The following VSIG1 variants were observed in gnomAD, a reference collection of about 807,000 sequenced individuals.
VSIG1 encodes V-set and immunoglobulin domain containing 1.
In VSIG1, 11 loss-of-function variants were observed where a neutral mutation model predicts 20.1. The ratio of observed to expected loss-of-function variants is 0.55; its 90% CI spans 0.34 to 0.91. VSIG1 has a LOEUF of 0.91. VSIG1 is among the 40% of genes least tolerant of loss of function. The pLI is 0.02. For synonymous variants in VSIG1, 126 were observed against 116.7 expected, an observed-to-expected ratio of 1.08 and a Z score of -0.52; for missense variants, 283 against 298.8, an observed-to-expected ratio of 0.95 and a Z score of 0.39.
intron 2 of VSIG1, among the ~76,000 whole-genome samples, chrX:108,066,698 A>G (rs2031134647): frequency 9.0e-6 from 1 of 111,731 alleles, no homozygotes; most frequent in South Asian, 3.8e-4. Context: ...TCTGTAAGAT[A>G]GGCATACTAA....
upstream of VSIG1, among the ~76,000 whole-genome samples, chrX:108,040,188 C>A (rs983494587): frequency 9.0e-6 from 1 of 111,097 alleles, no homozygotes; most frequent in African/African-American, 3.3e-5. Flanking sequence ...AGACAGATAA[C>A]CCAGTGGAAA....
chrX:108,067,207 T>C (rs1433644603), intron 3 of VSIG1, 73 bp downstream of exon 3: 8 of 1,049,899 alleles, frequency 7.6e-6, no homozygotes, highest in Non-Finnish European at 1.1e-5. Flanking sequence ...GACAGTGAGT[T>C]ATGATGCCAA....
intron 4 of VSIG1, 92 bp from the exon 5 acceptor site, chrX:108,073,157 TG>T: frequency 9.7e-7 from 1 of 1,033,494 alleles, no homozygotes; most frequent in Non-Finnish European, 1.3e-6. Context: ...GAGGCCAATA[TG>T]GGGGAGTGGG....
At chrX:108,022,120 A>C in the VSIG1 span, among the ~76,000 whole-genome samples, 1 of 111,883 alleles carries the variant, frequency 8.9e-6, no homozygotes, top group Admixed American at 9.4e-5. Flanking sequence ...GAATTTCTTT[A>C]AGTCTGTAGA....
chrX:108,073,282 C>T lies in VSIG1; in HGVS notation c.601C>T (p.Leu201=), dbSNP rs955081063. 8.3e-7 allele frequency: 1 copy of T among 1,209,761 alleles called. No homozygotes were observed. The highest frequency in any genetic ancestry group is 1.1e-6 in the Non-Finnish European group (1 of 894,991). The part of the protein sequence containing the change: ...PTTGILVIGN[L]TNFEQGYYQC... ...CACCGGGATTTTGGTCATTGGAAAT[C>T]TGACAAATTTTGAACAAGGTTATTA... The change falls in exon 5 of 7, where the codon CTG becomes TTG. Residue 201 remains leucine, a synonymous_variant. Coordinates refer to ENST00000217957, the MANE Select transcript of VSIG1 (RefSeq NM_182607.5).
upstream of VSIG1, among the ~76,000 whole-genome samples, chrX:108,041,605 T>C (rs1021027325): frequency 3.2e-4 from 35 of 109,051 alleles, no homozygotes; most frequent in African/African-American, 5.3e-4. Context: ...TGTACATGCA[T>C]AGAAAAAGGT....
chrX:108,038,962 T>C, the VSIG1 span, among the ~76,000 whole-genome samples: 1 of 111,958 alleles, frequency 8.9e-6, no homozygotes, highest in Non-Finnish European at 1.9e-5. Flanking sequence ...AAATCTAATG[T>C]GTTTGCTACA....
At chrX:108,044,083 T>C (rs749616775), upstream of VSIG1, among the ~76,000 whole-genome samples, 1 of 111,544 alleles carries the variant, frequency 9.0e-6, no homozygotes, top group East Asian at 2.8e-4. Context: ...GGGAGACCAC[T>C]TAGGAAGCTG....
At position 108,078,083 on chromosome X, in the gene VSIG1, A is replaced by C. The variant is rs979910875; in HGVS notation, c.*702A>C. ...ATTAGATTCAATATTATTTCTAGGA[A>C]TAGTTCCTCATTCATTTTTATATTG... On this transcript the variant is annotated 3_prime_UTR_variant, in exon 7 of 7. Coordinates refer to ENST00000217957, the MANE Select transcript of VSIG1 (RefSeq NM_182607.5). The C allele has an allele frequency of 6.2e-5, 7 of 112,292 alleles. No individual in the cohort carries two copies. Among genetic ancestry groups the C allele is most frequent in the African/African-American group, 2.3e-4 (7 of 30,837 alleles). The allele number at this position is 112,292 out of a possible 1,213,427, so 9.3% of individuals were successfully genotyped here. A position where few individuals can be genotyped will look rare whatever the true frequency, so the allele number is the denominator to read the frequency against.
intron 1 of VSIG1, among the ~76,000 whole-genome samples, chrX:108,053,133 C>T (rs765177824): frequency 6.1e-4 from 68 of 111,930 alleles, no homozygotes; most frequent in African/African-American, 2.2e-3. Context: ...AGCAGACATA[C>T]TGTTAAAAAA....
chrX:108,057,688 G>A (rs1025150489), intron 1 of VSIG1, among the ~76,000 whole-genome samples: 1 of 111,787 alleles, frequency 8.9e-6, no homozygotes, highest in African/African-American at 3.3e-5. Context: ...CATGGTACTG[G>A]GAAAACTGAG....
intron 5 of VSIG1, among the ~76,000 whole-genome samples, chrX:108,075,006 G>A (rs1019540169): frequency 4.5e-5 from 5 of 112,142 alleles, no homozygotes; most frequent in Non-Finnish European, 7.5e-5. Context: ...TAACCTCCGG[G>A]AAAATTTTTG....
Position 108,058,111 on chromosome X carries a change from C to G in VSIG1, c.123C>G (p.Leu41=), listed in dbSNP as rs2030946146. 1 of 1,209,016 alleles carries G rather than the reference C, an allele frequency of 8.3e-7. No homozygotes were observed. Among genetic ancestry groups the G allele is most frequent in the African/African-American group, 1.8e-5 (1 of 57,084 alleles). The change falls in exon 2 of 7, where the codon CTC becomes CTG. Residue 41 remains leucine, a synonymous_variant. Coordinates refer to ENST00000217957, the MANE Select transcript of VSIG1 (RefSeq NM_182607.5). The stretch of plus-strand genomic sequence containing the variant: ...TGACTGTTGGATCTAATGTCACTCT[C>G]ATCTGCATCTACACCACCACTGTGG... ...VNVTVGSNVT[L]ICIYTTTVAS...
At chrX:108,019,225 G>A in the VSIG1 span, among the ~76,000 whole-genome samples, 2 of 112,196 alleles carry the variant, frequency 1.8e-5, no homozygotes, top group South Asian at 7.5e-4. Flanking sequence ...GCCAGTTGTG[G>A]TGATAGCAGA....
intron 2 of VSIG1, among the ~76,000 whole-genome samples, chrX:108,060,094 T>C (rs2030991639): frequency 9.0e-6 from 1 of 111,633 alleles, no homozygotes; most frequent in Admixed American, 9.5e-5. Flanking sequence ...GAAGAAGATA[T>C]GGTGATTGAA....
intron 3 of VSIG1, among the ~76,000 whole-genome samples, chrX:108,068,393 T>C (rs2031175161): frequency 8.9e-6 from 1 of 111,971 alleles, no homozygotes; most frequent in African/African-American, 3.3e-5. Flanking sequence ...TATTCTTGCA[T>C]TGCTGTAAAG....
At chrX:108,056,761 G>A (rs60706327) in intron 1 of VSIG1, among the ~76,000 whole-genome samples, 39,174 of 111,527 alleles carry the variant, frequency 0.35, 5,337 homozygotes, top group Non-Finnish European at 0.42. Context: ...GCAGGAAAAC[G>A]GAATCCTTTT....
rs778161578 is a variant in VSIG1 at position 108,055,725 on chromosome X, T to A, written c.50-2313T>A. Among the ~76,000 whole-genome samples, 4 of 111,949 alleles carry A rather than the reference T, an allele frequency of 3.6e-5. No individual in the cohort carries two copies. The East Asian group carries it at 1.1e-3, about 31-fold the overall frequency. ...GAAAAAAAAATATGATCATATCAAC[T>A]GATGCAGATAAAGCATTTGACAAAA... On this transcript the variant is annotated intron_variant, in intron 1 of 6. Transcript: ENST00000217957.
At position 108,077,279 on chromosome X, in the gene VSIG1, G is replaced by A. The variant is rs1466383977; in HGVS notation, c.1062G>A (p.Thr354=). The change falls in exon 7 of 7, where the codon ACG becomes ACA. Residue 354 remains threonine (T), a synonymous_variant. Transcript: ENST00000217957. ...TCGAGCTGGAGCTGGAGCCAGAAAC[G>A]CAGTCGGAATTGGAGCCAGAGCCAG... ...LDIELELEPE[T]QSELEPEPEP... is the part of the protein sequence containing the mutation. The A allele has an allele frequency of 1.1e-5, 13 of 1,210,290 alleles. 1 individual carries two copies. Among genetic ancestry groups the A allele is most frequent in the East Asian group, 8.9e-5 (3 of 33,781 alleles).
Sources: allele counts gnomAD v4.1 joint callset (sites outside exome capture counted in the v4.1 genomes callset), GRCh38; gene constraint gnomAD v4.1.1; transcripts MANE v1.5; gene names NCBI Gene and HGNC (gene_info 2026-07-23, HGNC 2026-07-21).